The following UBE2K variants were observed in gnomAD, a reference collection of about 807,000 sequenced individuals.
The protein encoded by UBE2K is ubiquitin-conjugating enzyme E2 K.
Under a neutral mutation model 30.0 loss-of-function variants are expected in UBE2K, and 6 were observed. The ratio of observed to expected loss-of-function variants is 0.20; its 90% CI spans 0.11 to 0.39. The LOEUF is 0.39. UBE2K is among the 10% of genes least tolerant of loss of function. The probability of loss-of-function intolerance (pLI) is 1.00; values close to 1 mark genes in which losing one functional copy is unlikely to be tolerated. For missense variants in UBE2K, 61 were observed against 241.6 expected, an observed-to-expected ratio of 0.25 and a Z score of 4.96; for synonymous variants, 86 against 83.7, an observed-to-expected ratio of 1.03 and a Z score of -0.15.
intron 4 of UBE2K, among the ~76,000 whole-genome samples, chr4:39,756,028 T>C (rs1721501781): frequency 6.6e-6 from 1 of 152,212 alleles, no homozygotes; most frequent in Non-Finnish European, 1.5e-5. Context: ...AAGAAGATAT[T>C]TGTGAAAGAC....
chr4:39,712,416 C>T (rs1473627439), intron 1 of UBE2K, among the ~76,000 whole-genome samples: 5 of 121,800 alleles, frequency 4.1e-5, no homozygotes, highest in Admixed American at 1.8e-4. Flanking sequence ...AGGGTTTCTC[C>T]GTGTTTTTTT....
At chr4:39,716,354 C>G (rs431419) in intron 1 of UBE2K, among the ~76,000 whole-genome samples, 28,192 of 152,098 alleles carry the variant, frequency 0.19, 4,630 homozygotes, top group African/African-American at 0.45. Flanking sequence ...CTTAAGTGAT[C>G]CTCCCACCAC....
At chr4:39,740,027 T>C (rs1350810543) in intron 2 of UBE2K, among the ~76,000 whole-genome samples, 1 of 152,182 alleles carries the variant, frequency 6.6e-6, no homozygotes, top group Non-Finnish European at 1.5e-5. Context: ...TCATGGATGC[T>C]GTTTCATTTA....
chr4:39,772,826 T>A (rs1419541479), intron 4 of UBE2K, among the ~76,000 whole-genome samples: 1 of 151,816 alleles, frequency 6.6e-6, no homozygotes, highest in African/African-American at 2.4e-5. Context: ...CAGCTGGGAT[T>A]ACAGGCACAT....
chr4:39,722,279 T>G (rs1010909638), intron 1 of UBE2K, among the ~76,000 whole-genome samples: 2 of 152,212 alleles, frequency 1.3e-5, no homozygotes, highest in African/African-American at 4.8e-5. Flanking sequence ...ATTCCTAGTT[T>G]AGGTGTAAAG....
intron 3 of UBE2K, among the ~76,000 whole-genome samples, chr4:39,751,163 G>A (rs1048074070): frequency 6.6e-6 from 1 of 150,862 alleles, no homozygotes. Context: ...GGCTGGTCTC[G>A]AACTCCTGAG....
intron 4 of UBE2K, chr4:39,770,895 T>C: frequency 6.5e-7 from 1 of 1,544,786 alleles, no homozygotes; most frequent in East Asian, 2.3e-5. Context: ...GAACTCCAGC[T>C]TCACTGGCCG....
intron 4 of UBE2K, among the ~76,000 whole-genome samples, chr4:39,757,018 G>GTTTTTTTTTT (rs1227834116): frequency 1.9e-4 from 14 of 72,090 alleles, no homozygotes; most frequent in East Asian, 5.4e-4. Flanking sequence ...TTTGTTTTTT[G>GTTTTTTTTTT]TTTTTTGTTT....
At chr4:39,767,350 A>G (rs2109396752) in intron 4 of UBE2K, among the ~76,000 whole-genome samples, 1 of 144,402 alleles carries the variant, frequency 6.9e-6, no homozygotes, top group Admixed American at 6.9e-5. Context: ...GTTTTTTGAG[A>G]TGGAGTCTGG....
chr4:39,772,543 TTAGCC>T (rs1023075081), intron 4 of UBE2K, among the ~76,000 whole-genome samples: 14 of 151,360 alleles, frequency 9.2e-5, no homozygotes, highest in African/African-American at 2.4e-4. Context: ...CCACTGCACT[TTAGCC>T]TAGGCAGCGT....
chr4:39,768,511 T>A (rs560463262), intron 4 of UBE2K, among the ~76,000 whole-genome samples: 9 of 151,610 alleles, frequency 5.9e-5, no homozygotes, highest in African/African-American at 2.2e-4. Context: ...ATTTGAGGAC[T>A]GAGTTTGGCT....
At chr4:39,726,036 T>A (rs1189197129) in intron 1 of UBE2K, among the ~76,000 whole-genome samples, 1 of 152,206 alleles carries the variant, frequency 6.6e-6, no homozygotes, top group Non-Finnish European at 1.5e-5. Context: ...AATCAAGGTG[T>A]CAGCAGGGTC....
chr4:39,708,431 C>T (rs1432426296), intron 1 of UBE2K, among the ~76,000 whole-genome samples: 4 of 151,806 alleles, frequency 2.6e-5, no homozygotes, highest in African/African-American at 7.3e-5. Flanking sequence ...AAAATGTGTA[C>T]GTAATAAAGT....
At chr4:39,737,987 G>A (rs1315024965) in intron 2 of UBE2K, among the ~76,000 whole-genome samples, 5 of 152,142 alleles carry the variant, frequency 3.3e-5, no homozygotes, top group Non-Finnish European at 7.4e-5. Flanking sequence ...ATTCAGGAAA[G>A]CTTTTAGTGA....
intron 1 of UBE2K, among the ~76,000 whole-genome samples, chr4:39,710,531 AGTCCT>A (rs1261314485): frequency 2.6e-5 from 4 of 152,000 alleles, no homozygotes; most frequent in Admixed American, 2.6e-4. Context: ...AGCCTCCCAA[AGTCCT>A]GGGATTACAG....
intron 1 of UBE2K, chr4:39,714,550 A>ATATATATTTT: frequency 5.6e-5 from 1 of 17,844 alleles, no homozygotes; most frequent in African/African-American, 2.5e-4. Context: ...ATATATATAT[A>ATATATATTTT]TTTTTTTTTT....
At chr4:39,756,765 G>A (rs1721534982) in intron 4 of UBE2K, among the ~76,000 whole-genome samples, 1 of 152,150 alleles carries the variant, frequency 6.6e-6, no homozygotes, top group African/African-American at 2.4e-5. Context: ...AAAGTAATTG[G>A]AGTGGGAGAA....
intron 1 of UBE2K, among the ~76,000 whole-genome samples, chr4:39,719,020 A>G (rs1412651338): frequency 6.6e-6 from 1 of 152,254 alleles, no homozygotes; most frequent in East Asian, 1.9e-4. Flanking sequence ...GGAGGCACCA[A>G]GAGTGAGCAA....
intron 4 of UBE2K, among the ~76,000 whole-genome samples, chr4:39,757,250 T>C (rs1711551336): frequency 6.6e-6 from 1 of 152,130 alleles, no homozygotes; most frequent in Non-Finnish European, 1.5e-5. Context: ...GGTCTCAAAC[T>C]CCTGAGCTCA....
Sources: allele counts gnomAD v4.1 joint callset (sites outside exome capture counted in the v4.1 genomes callset), GRCh38; gene constraint gnomAD v4.1.1; transcripts MANE v1.5; gene names NCBI Gene and HGNC (gene_info 2026-07-23, HGNC 2026-07-21).